Variants in AGAP1 observed in about 807,000 individuals in gnomAD.
AGAP1 encodes the protein ArfGAP with GTPase domain, ankyrin repeat and PH domain 1.
A neutral mutation model predicts 105.3 loss-of-function variants in AGAP1; 29 were observed. The observed-to-expected ratio is 0.28, with a 90% confidence interval of 0.21 to 0.38. AGAP1 has a LOEUF of 0.38. AGAP1 is among the 10% of genes least tolerant of loss of function. The pLI is 1.00. For missense variants in AGAP1, 998 were observed against 1,165.1 expected (o/e 0.86, Z 2.09); for synonymous variants, 509 against 485.9 (o/e 1.05, Z -0.63).
chr2:235,591,127 T>C (rs933417312), intron 1 of AGAP1, among the ~76,000 whole-genome samples: 1 of 152,130 alleles, frequency 6.6e-6, no homozygotes, highest in African/African-American at 2.4e-5. Flanking sequence ...GCAATTTTCG[T>C]GCCTCAGCCT....
In AGAP1 at chr2:235,660,531, C is replaced by T. The variant is rs1011457787; in HGVS notation, c.164-48648C>T. Among the ~76,000 whole-genome samples the T allele has an allele frequency of 6.6e-6, 1 of 152,028 alleles. No homozygotes were observed. The highest frequency in any genetic ancestry group is 2.4e-5 in the African/African-American group (1 of 41,408). On this transcript the variant is annotated intron_variant, in intron 1 of 17. Coordinates refer to ENST00000304032, the MANE Select transcript of AGAP1 (RefSeq NM_001037131.3). The surrounding 1 kb of genome is among the most constrained non-coding windows in gnomAD (Gnocchi z 5.3). The stretch of plus-strand genomic sequence containing the variant: ...TGCCAAGGAAGAGTGCCCAGGTGTG[C>T]ACAGGTGTGCCCAGGTATGAGGGGA...
In AGAP1 at chr2:235,831,351, G is replaced by A. The variant is rs372414597; in HGVS notation, c.1050+24020G>A. ...TCACCCTCAGTCCATCTGTACTTTA[G>A]GGTTCACTGTTGGAGTGTGTTCTGT... On this transcript the variant is annotated intron_variant, in intron 9 of 17. Coordinates refer to ENST00000304032, the MANE Select transcript of AGAP1 (RefSeq NM_001037131.3). 1.5e-4 allele frequency among the ~76,000 whole-genome samples: 23 copies of A among 152,268 alleles called. No homozygotes were observed. The East Asian group carries it at 3.5e-3, about 23-fold the overall frequency.
At chr2:236,025,908 G>GTGGGTGGGTGGGCGGATGGA (rs547504974) in intron 13 of AGAP1, among the ~76,000 whole-genome samples, 1 of 100,314 alleles carries the variant, frequency 1.0e-5, no homozygotes. Context: ...TCTCGGGTGG[G>GTGGGTGGGTGGGCGGATGGA]TGGATGGATG....
rs1212346056 is a variant in AGAP1, at chr2:235,883,364, G to C, written c.1070G>C (p.Ser357Thr). ...PIKQGMLLKR[S>T]GKSLNKEWKK... The stretch of plus-strand genomic sequence containing the variant: ...TTGTAGGGCATGCTGTTGAAGCGAA[G>C]TGGCAAATCGTTGAATAAAGAGTGG... Residue 357 changes from serine (S) to threonine (T), a missense_variant, in exon 10 of 18, where the codon AGT becomes ACT. Physicochemically the swap from Ser to Thr is moderately conservative, Grantham distance 58 (BLOSUM62 1). This residue lies in a region of AGAP1 where 735 missense variants were observed against 833.4 expected (regional missense o/e 0.88). Coordinates refer to ENST00000304032, the MANE Select transcript of AGAP1 (RefSeq NM_001037131.3). The surrounding 1 kb of genome is among the most constrained non-coding windows in gnomAD (Gnocchi z 4.5). The C allele has an allele frequency of 6.2e-7, 1 of 1,614,078 alleles. No homozygotes were observed. Among genetic ancestry groups the C allele is most frequent in the East Asian group, 2.2e-5 (1 of 44,876 alleles).
chr2:235,516,101 C>T (rs1249872592), intron 1 of AGAP1, among the ~76,000 whole-genome samples: 2 of 144,162 alleles, frequency 1.4e-5, no homozygotes, highest in African/African-American at 5.0e-5. Flanking sequence ...GCTGGCCCGC[C>T]AGTTCCCATG....
intron 9 of AGAP1, among the ~76,000 whole-genome samples, chr2:235,878,983 G>A (rs13406796): frequency 0.013 from 1,977 of 152,342 alleles, 34 homozygotes; most frequent in African/African-American, 0.045. Flanking sequence ...GCTGGGCAGT[G>A]GCTGGGACAC....
In AGAP1 at chr2:235,541,054, C is replaced by T. The variant is rs142123851; in HGVS notation, c.163+46205C>T. 1.2e-3 allele frequency among the ~76,000 whole-genome samples: 177 copies of T among 152,198 alleles called. 3 individuals carry two copies. The East Asian group carries it at 0.023, about 20-fold the overall frequency. On this transcript the variant is annotated intron_variant, in intron 1 of 17. Transcript: ENST00000304032. ...GTATAACCATCAAAAGTAACTCTAG[C>T]GAATGATTTTGGAATATTCCAGAAA... is the stretch of plus-strand genomic sequence containing the variant.
At position 236,102,444 on chromosome 2, in the gene AGAP1, T is replaced by C. The variant is rs190250023; in HGVS notation, c.2115-17748T>C. Reference sequence around the variant, plus strand: ...AAAAAAAAAAAAAAAAAAAGTTAGCTGGGTGTGGTGGCTCATGCCTGTAAT... The same window carrying C: ...AAAAAAAAAAAAAAAAAAAGTTAGCCGGGTGTGGTGGCTCATGCCTGTAAT... On this transcript the variant is annotated intron_variant, in intron 16 of 17. Transcript: ENST00000304032. 6.9e-3 allele frequency among the ~76,000 whole-genome samples: 925 copies of C among 133,374 alleles called. 10 individuals carry two copies. Among genetic ancestry groups the C allele is most frequent in the African/African-American group, 0.026 (876 of 33,688 alleles). 87.5% of individuals were successfully genotyped at this position (133,374 alleles called of 152,430 possible). A position where few individuals can be genotyped will look rare whatever the true frequency, so the allele number is the denominator to read the frequency against.
chr2:235,993,253 T>C lies in AGAP1; in HGVS notation c.1645+24630T>C, dbSNP rs1397976440. ...CTCAGGCCAGTCTATACAATACTAT[T>C]GATATTTACTGCCTTGGAGCAGCCT... is the stretch of plus-strand genomic sequence containing the variant. On this transcript the variant is annotated intron_variant, in intron 13 of 17. Coordinates refer to ENST00000304032, the MANE Select transcript of AGAP1 (RefSeq NM_001037131.3). This position sits in a 1 kb window ranked among gnomAD's most constrained non-coding sequence, Gnocchi z 5.0. Among the ~76,000 whole-genome samples, 1 of 152,198 alleles carries C rather than the reference T, an allele frequency of 6.6e-6. No homozygotes were observed. The highest frequency in any genetic ancestry group is 1.5e-5 in the Non-Finnish European group (1 of 68,040).
chr2:235,718,052 G>A (rs1435888938), intron 3 of AGAP1, among the ~76,000 whole-genome samples: 1 of 151,966 alleles, frequency 6.6e-6, no homozygotes, highest in Non-Finnish European at 1.5e-5. Context: ...GGGATAAGAC[G>A]TTCAGATTAC....
chr2:235,696,450 G>T (rs1433028332), intron 1 of AGAP1, among the ~76,000 whole-genome samples: 2 of 152,186 alleles, frequency 1.3e-5, no homozygotes, highest in African/African-American at 4.8e-5. Context: ...GGACATTTCA[G>T]TGTGAAGGGC....
chr2:235,717,823 A>G (rs1399155869), intron 3 of AGAP1, among the ~76,000 whole-genome samples, 179 bp downstream of exon 3: 1 of 152,234 alleles, frequency 6.6e-6, no homozygotes, highest in Non-Finnish European at 1.5e-5. Context: ...AACCCGTTAT[A>G]TTCACTTTGA....
At chr2:235,819,980 C>G (rs1288967405) in intron 9 of AGAP1, among the ~76,000 whole-genome samples, 1 of 150,350 alleles carries the variant, frequency 6.7e-6, no homozygotes, top group African/African-American at 2.4e-5. Flanking sequence ...CTCAGCTCAC[C>G]GCAACCTCCG....
At chr2:235,926,764 A>G (rs888377459) in intron 11 of AGAP1, among the ~76,000 whole-genome samples, 2 of 152,198 alleles carry the variant, frequency 1.3e-5, no homozygotes, top group South Asian at 2.1e-4. Context: ...CCAGAGGTCA[A>G]GAGTGAGGTG....
chr2:235,804,651 G>C (rs138149898), intron 8 of AGAP1, among the ~76,000 whole-genome samples: 1 of 152,296 alleles, frequency 6.6e-6, no homozygotes, highest in African/African-American at 2.4e-5. Context: ...ACCACGGCAG[G>C]GGAAGTTAAA....
intron 11 of AGAP1, among the ~76,000 whole-genome samples, chr2:235,917,981 A>G (rs1236047288): frequency 2.6e-5 from 4 of 152,262 alleles, no homozygotes; most frequent in Non-Finnish European, 5.9e-5. Context: ...TCTCATGGAA[A>G]GAAAGTTTTT....
chr2:235,813,135 C>G (rs1273204596), intron 9 of AGAP1, among the ~76,000 whole-genome samples: 1 of 152,216 alleles, frequency 6.6e-6, no homozygotes, highest in Non-Finnish European at 1.5e-5. Context: ...CGTGAAATGA[C>G]AGTCATCCGT....
rs1162940684 is a variant in AGAP1 at position 235,919,812 on chromosome 2, A to T, written c.1324+10906A>T. ...AAAGGAAGACACCAAACAAAGAAAAATTCTTTTCTTCTCCGTCTTCACAAT... is the reference window on the plus strand; with the variant it reads ...AAAGGAAGACACCAAACAAAGAAAATTTCTTTTCTTCTCCGTCTTCACAAT... On this transcript the variant is annotated intron_variant, in intron 11 of 17. Transcript: ENST00000304032. This position sits in a 1 kb window ranked among gnomAD's most constrained non-coding sequence, Gnocchi z 4.1. Among the ~76,000 whole-genome samples the T allele has an allele frequency of 3.3e-5, 5 of 152,154 alleles. No individual in the cohort carries two copies. Among genetic ancestry groups the T allele is most frequent in the African/African-American group, 1.2e-4 (5 of 41,436 alleles).
chr2:235,727,667 C>T (rs571185871), intron 3 of AGAP1, among the ~76,000 whole-genome samples: 4 of 152,312 alleles, frequency 2.6e-5, no homozygotes, highest in South Asian at 2.1e-4. Flanking sequence ...CATCATCAAC[C>T]GCATTAGCTC....
Sources: gnomAD v4.1 joint callset for allele counts (sites outside exome capture counted in the v4.1 genomes callset) on GRCh38, gnomAD v4.1.1 for gene constraint, gnomAD v4.1.1 regional missense constraint, Gnocchi (gnomAD v3.1) non-coding constraint, MANE v1.5 for transcripts, NCBI Gene and HGNC (gene_info 2026-07-23, HGNC 2026-07-21) for gene names.